EPHB1: variants seen among roughly 807,000 people sequenced by gnomAD.
The protein encoded by EPHB1 is EPH receptor B1, also known as ephrin type-B receptor 1.
A neutral mutation model predicts 94.4 loss-of-function variants in EPHB1; 30 were observed. The ratio of observed to expected loss-of-function variants is 0.32; its 90% confidence interval spans 0.24 to 0.43. The LOEUF is 0.43. EPHB1 is among the 20% of genes least tolerant of loss of function. The pLI is 1.00. For synonymous variants in EPHB1, 522 were observed against 489.1 expected (o/e 1.07, Z -0.89); for missense variants, 1,055 against 1,308.3 (o/e 0.81, Z 2.99).
intron 4 of EPHB1, among the ~76,000 whole-genome samples, chr3:135,108,946 T>A (rs1372438408): frequency 1.3e-5 from 2 of 151,564 alleles, no homozygotes; most frequent in African/African-American, 4.9e-5. Context: ...CAGTGAGGAG[T>A]TACTGAAGGG....
Position 135,006,442 on chromosome 3 carries a change from T to G in EPHB1, c.805+54390T>G, listed in dbSNP as rs1935418377. ...TGTGAATGGATTTAATGCAACTAAG[T>G]TATATTCTTACAAATGGTTAAAATG... On this transcript the variant is annotated intron_variant, in intron 3 of 15. Coordinates refer to ENST00000398015, the MANE Select transcript of EPHB1 (RefSeq NM_004441.5). Among the ~76,000 whole-genome samples, 3 of 152,220 alleles carry G rather than the reference T, an allele frequency of 2.0e-5. No homozygotes were observed. The South Asian group carries it at 6.2e-4, about 32-fold the overall frequency.
intron 5 of EPHB1, among the ~76,000 whole-genome samples, chr3:135,151,228 A>T (rs1368991087): frequency 6.6e-6 from 1 of 152,110 alleles, no homozygotes; most frequent in Non-Finnish European, 1.5e-5. Flanking sequence ...TGCCTTGTTG[A>T]CAGTCCTCCT....
intron 3 of EPHB1, among the ~76,000 whole-genome samples, chr3:135,083,905 C>T (rs919548302): frequency 6.6e-6 from 1 of 152,136 alleles, no homozygotes; most frequent in Admixed American, 6.5e-5. Context: ...GCTCCAGTCT[C>T]ACCCTGGGGC....
rs145869909 is a variant in EPHB1, at chr3:135,224,563, C to T, written c.2347-16585C>T. Among the ~76,000 whole-genome samples the T allele has an allele frequency of 2.7e-3, 407 of 152,262 alleles. 1 individual carries two copies. The highest frequency in any genetic ancestry group is 6.8e-3 in the Middle Eastern group (2 of 294). On this transcript the variant is annotated intron_variant, in intron 12 of 15. Transcript: ENST00000398015. ...TACAGTATATATTACATATTTTTCT[C>T]TTGTGACTAATTAGCAATCTACAGG...
intron 1 of EPHB1, among the ~76,000 whole-genome samples, chr3:134,843,390 T>C (rs2036812268): frequency 6.6e-6 from 1 of 152,232 alleles, no homozygotes; most frequent in South Asian, 2.1e-4. Context: ...TTGGAGTTCA[T>C]TGGGATTTTT....
intron 14 of EPHB1, 137 bp from the exon 15 acceptor site, chr3:135,249,199 G>T (rs1559891282): frequency 2.9e-6 from 3 of 1,019,910 alleles, no homozygotes; most frequent in Non-Finnish European, 4.1e-6. Flanking sequence ...AAGAAGAAAG[G>T]TTCAGCCCAG....
intron 12 of EPHB1, among the ~76,000 whole-genome samples, chr3:135,238,733 G>GTC (rs199779292): frequency 4.0e-5 from 6 of 151,416 alleles, no homozygotes; most frequent in Non-Finnish European, 5.9e-5. Context: ...CTCTGTCTCT[G>GTC]TCTCTCTCTC....
intron 10 of EPHB1, among the ~76,000 whole-genome samples, chr3:135,181,077 T>C (rs1942140680): frequency 1.3e-5 from 2 of 152,222 alleles, no homozygotes; most frequent in Non-Finnish European, 2.9e-5. Flanking sequence ...AATGTCACCA[T>C]CTTTCTGTTC....
intron 3 of EPHB1, among the ~76,000 whole-genome samples, chr3:135,007,962 C>T (rs935518129): frequency 4.6e-5 from 7 of 152,280 alleles, no homozygotes; most frequent in African/African-American, 1.2e-4. Flanking sequence ...AGGGGATGGC[C>T]GAGGCCCCAG....
chr3:134,896,025 C>T (rs1278621674), intron 1 of EPHB1, among the ~76,000 whole-genome samples: 1 of 152,120 alleles, frequency 6.6e-6, no homozygotes, highest in Admixed American at 6.5e-5. Context: ...TTGACTCCCT[C>T]TTTAGTTTTC....
At chr3:135,013,220 C>G (rs1013073246) in intron 3 of EPHB1, among the ~76,000 whole-genome samples, 1 of 152,184 alleles carries the variant, frequency 6.6e-6, no homozygotes, top group Non-Finnish European at 1.5e-5. Flanking sequence ...AAAAGGACAA[C>G]AGTCCCACCC....
intron 3 of EPHB1, among the ~76,000 whole-genome samples, chr3:135,036,381 C>T (rs1038166760): frequency 6.6e-6 from 1 of 152,300 alleles, no homozygotes; most frequent in Admixed American, 6.5e-5. Flanking sequence ...CCCATCCAAA[C>T]CGGTCAGGAT....
intron 5 of EPHB1, among the ~76,000 whole-genome samples, chr3:135,135,518 C>G (rs1005337487): frequency 6.6e-6 from 1 of 152,202 alleles, no homozygotes; most frequent in Non-Finnish European, 1.5e-5. Flanking sequence ...CATAAAAACT[C>G]TAATGACTCA....
chr3:134,947,627 C>A (rs1200497278), intron 2 of EPHB1, among the ~76,000 whole-genome samples: 1 of 152,174 alleles, frequency 6.6e-6, no homozygotes, highest in Non-Finnish European at 1.5e-5. Context: ...CTCAGGGTCA[C>A]CCATTGTGAT....
intron 1 of EPHB1, among the ~76,000 whole-genome samples, chr3:134,824,227 G>A (rs1262350572): frequency 1.5e-5 from 2 of 133,892 alleles, no homozygotes; most frequent in African/African-American, 5.4e-5. Context: ...AATTCCCATT[G>A]ATATGGCGTA....
intron 3 of EPHB1, among the ~76,000 whole-genome samples, chr3:135,075,794 C>T (rs1576364736): frequency 1.3e-5 from 2 of 152,314 alleles, no homozygotes. Context: ...GTGGACAGGC[C>T]ACTCTATGAA....
chr3:135,219,951 A>T (rs957046692), intron 12 of EPHB1, among the ~76,000 whole-genome samples: 16 of 152,248 alleles, frequency 1.1e-4, no homozygotes, highest in African/African-American at 3.9e-4. Context: ...TGGATCTAGC[A>T]CATCTGTGTA....
chr3:134,803,171 C>T (rs527920931), intron 1 of EPHB1, among the ~76,000 whole-genome samples: 2 of 152,328 alleles, frequency 1.3e-5, no homozygotes, highest in South Asian at 4.1e-4. Context: ...ATTACCAGGA[C>T]TCATTTCTGC....
intron 3 of EPHB1, among the ~76,000 whole-genome samples, chr3:134,960,234 A>G (rs914054023): frequency 6.6e-6 from 1 of 152,006 alleles, no homozygotes; most frequent in Non-Finnish European, 1.5e-5. Flanking sequence ...AAGACTGGAA[A>G]GAGTAACTTG....
Sources: allele counts gnomAD v4.1 joint callset (sites outside exome capture counted in the v4.1 genomes callset), GRCh38; gene constraint gnomAD v4.1.1; transcripts MANE v1.5; gene names NCBI Gene and HGNC (gene_info 2026-07-23, HGNC 2026-07-21).